Variants in RANBP2 observed in about 807,000 individuals in gnomAD.
RANBP2 encodes RAN binding protein 2.
In RANBP2, 57 loss-of-function variants were observed where a neutral mutation model predicts 303.6. The observed-to-expected ratio is 0.19, with a 90% CI of 0.15 to 0.23. The LOEUF is 0.23. Among genes scored for constraint, RANBP2 ranks in the 10% least tolerant of loss-of-function variants. The pLI is 1.00. For synonymous variants in RANBP2, 1,167 were observed against 1,301.5 expected, an observed-to-expected ratio of 0.90 and a Z score of 2.23; for missense variants, 3,138 against 3,780.8, an observed-to-expected ratio of 0.83 and a Z score of 4.46.
chr2:109,112,095 G>A, the RANBP2 span, among the ~76,000 whole-genome samples: 1,179 of 151,626 alleles, frequency 7.8e-3, 9 homozygotes, highest in East Asian at 0.037. Flanking sequence ...ATAAACATAC[G>A]TGTGCATGTG....
the RANBP2 span, among the ~76,000 whole-genome samples, chr2:109,053,899 C>T: frequency 2.0e-4 from 30 of 152,298 alleles, no homozygotes; most frequent in African/African-American, 6.3e-4. Context: ...CAGGCCCCAC[C>T]ACCCCACTGC....
At chr2:109,576,781 C>A in the RANBP2 span, among the ~76,000 whole-genome samples, 69,045 of 151,900 alleles carry the variant, frequency 0.45, 16,127 homozygotes, top group African/African-American at 0.56. Context: ...TTCTTTCATA[C>A]TCTGGACAAA....
downstream of RANBP2, chr2:108,788,911 A>G (rs1368635702): frequency 4.3e-6 from 7 of 1,614,042 alleles, no homozygotes; most frequent in South Asian, 1.1e-5. Context: ...TTCTGATGAA[A>G]GCAAGCATTG....
chr2:109,566,387 G>C, the RANBP2 span, among the ~76,000 whole-genome samples: 1 of 151,860 alleles, frequency 6.6e-6, no homozygotes, highest in Non-Finnish European at 1.5e-5. Context: ...TTATAGGTGT[G>C]AGCCCTATAA....
chr2:108,752,097 T>C, intron 12 of RANBP2, 103 bp downstream of exon 12: 1 of 1,594,656 alleles, frequency 6.3e-7, no homozygotes, highest in Non-Finnish European at 8.5e-7. Flanking sequence ...AGCAGCTTGG[T>C]CACATTATGA....
the RANBP2 span, among the ~76,000 whole-genome samples, chr2:109,156,638 G>T: frequency 6.6e-6 from 1 of 152,078 alleles, no homozygotes; most frequent in Non-Finnish European, 1.5e-5. Context: ...TAGAGATGGG[G>T]TTTCACCATG....
the RANBP2 span, among the ~76,000 whole-genome samples, chr2:109,485,216 C>T: frequency 2.9e-4 from 44 of 149,224 alleles, no homozygotes; most frequent in Admixed American, 1.6e-3. Context: ...AGAATTAAGA[C>T]GGGAAATCTG....
the RANBP2 span, among the ~76,000 whole-genome samples, chr2:109,101,273 T>A: frequency 6.6e-6 from 1 of 152,090 alleles, no homozygotes; most frequent in Non-Finnish European, 1.5e-5. Context: ...ATGCCTGTAA[T>A]CCCAGCACTT....
the RANBP2 span, among the ~76,000 whole-genome samples, chr2:109,478,020 A>G: frequency 2.0e-5 from 3 of 152,164 alleles, no homozygotes; most frequent in African/African-American, 7.2e-5. Flanking sequence ...ATATTACTGG[A>G]ATGATTAGAA....
chr2:109,469,147 A>T, the RANBP2 span, among the ~76,000 whole-genome samples: 1 of 152,286 alleles, frequency 6.6e-6, no homozygotes, highest in Middle Eastern at 3.4e-3. Context: ...CACCCCAAGA[A>T]TGCGGGCCCC....
At position 108,767,273 on chromosome 2, in the gene RANBP2, C is replaced by G; in HGVS notation, c.6734C>G (p.Ala2245Gly). ...DDSVSSSSVHASPLASSPVRK... is the reference protein window; with the variant it reads ...DDSVSSSSVHGSPLASSPVRK... ...AGTGTCAGTAGTAGCTCAGTACATG[C>G]TTCTCCATTGGCAAGTAGCCCTGTG... Residue 2245 changes from alanine (A) to glycine (G), a missense_variant, in exon 20 of 29, where the codon GCT (alanine) becomes GGT (glycine). This residue lies in a region of RANBP2 where 72 missense variants were observed against 86.8 expected (regional missense o/e 0.83). Transcript: ENST00000283195. 6.2e-7 allele frequency: 1 copy of G among 1,612,062 alleles called. No individual in the cohort carries two copies. Among genetic ancestry groups the G allele is most frequent in the Non-Finnish European group, 8.5e-7 (1 of 1,179,870 alleles).
At chr2:109,193,640 A>G in the RANBP2 span, among the ~76,000 whole-genome samples, 121 of 152,172 alleles carry the variant, frequency 8.0e-4, no homozygotes, top group Middle Eastern at 0.014. Flanking sequence ...TTCTTTCTCC[A>G]TTCATGAGTT....
the RANBP2 span, among the ~76,000 whole-genome samples, chr2:109,524,662 T>C: frequency 6.6e-6 from 1 of 151,782 alleles, no homozygotes; most frequent in Non-Finnish European, 1.5e-5. Context: ...GGAGAATCTC[T>C]TGAACCTGGG....
At chr2:109,608,996 T>C in the RANBP2 span, among the ~76,000 whole-genome samples, 22 of 152,330 alleles carry the variant, frequency 1.4e-4, no homozygotes, top group Non-Finnish European at 2.6e-4. Flanking sequence ...CTGCAGTAGA[T>C]TATAAAAATT....
rs747298903 is a variant in RANBP2 at position 108,772,511 on chromosome 2, C to G, written c.8043C>G (p.Val2681=). 2 of 1,613,404 alleles carry G rather than the reference C, an allele frequency of 1.2e-6. No homozygotes were observed. The highest frequency in any genetic ancestry group is 1.7e-6 in the Non-Finnish European group (2 of 1,179,680). ...EEDDEDFETA[V]KKLNGKLYLD... Reference sequence around the variant, plus strand: ...AAGATGAAGATTTCGAAACAGCTGTCAAGAAACTTAATGGAAAACTATATT... The same window carrying G: ...AAGATGAAGATTTCGAAACAGCTGTGAAGAAACTTAATGGAAAACTATATT... Residue 2681 remains valine (V), a synonymous_variant, in exon 22 of 29, where the codon GTC becomes GTG. Coordinates refer to ENST00000283195, the MANE Select transcript of RANBP2 (RefSeq NM_006267.5).
At chr2:109,644,177 C>A in the RANBP2 span, among the ~76,000 whole-genome samples, 2 of 149,254 alleles carry the variant, frequency 1.3e-5, no homozygotes, top group Admixed American at 1.3e-4. Context: ...CGTGGTGGTG[C>A]ACGCCTGTAG....
the RANBP2 span, among the ~76,000 whole-genome samples, chr2:109,222,553 G>A: frequency 6.6e-6 from 1 of 152,182 alleles, no homozygotes; most frequent in Non-Finnish European, 1.5e-5. Flanking sequence ...GCAAGGGTGA[G>A]AGGCCAGGAG....
chr2:109,354,398 G>T, the RANBP2 span, among the ~76,000 whole-genome samples: 1 of 152,220 alleles, frequency 6.6e-6, no homozygotes, highest in Non-Finnish European at 1.5e-5. Context: ...CCAGAAAAGT[G>T]GCGCAGCGTT....
At chr2:109,203,325 C>T in the RANBP2 span, among the ~76,000 whole-genome samples, 12 of 152,312 alleles carry the variant, frequency 7.9e-5, no homozygotes, top group Admixed American at 2.0e-4. Flanking sequence ...CAGACAGTGG[C>T]GCAGATGCGG....
Sources: allele counts gnomAD v4.1 joint callset (sites outside exome capture counted in the v4.1 genomes callset), GRCh38; gene constraint gnomAD v4.1.1; regional missense constraint gnomAD v4.1.1; transcripts MANE v1.5; gene names NCBI Gene and HGNC (gene_info 2026-07-23, HGNC 2026-07-21).